The following SBNO1 variants were observed in gnomAD, a reference collection of about 807,000 sequenced individuals.
SBNO1 encodes protein strawberry notch homolog 1.
SBNO1 carries 23 observed loss-of-function variants against 173.6 expected under a neutral mutation model. The observed-to-expected ratio is 0.13, with a 90% CI of 0.10 to 0.19. SBNO1 has a LOEUF of 0.19. Ranked by LOEUF, SBNO1 falls within the 10% of genes least tolerant of loss-of-function variation. SBNO1 has a pLI of 1.00. For missense variants in SBNO1, 1,238 were observed against 1,671.2 expected (o/e 0.74, Z 4.52); for synonymous variants, 632 against 571.5 (o/e 1.11, Z -1.51).
At chr12:123,347,366 AC>A (rs1389044885) in intron 3 of SBNO1, among the ~76,000 whole-genome samples, 1 of 151,388 alleles carries the variant, frequency 6.6e-6, no homozygotes, top group Non-Finnish European at 1.5e-5. Flanking sequence ...AGCTGGGACT[AC>A]AGGCGCCCGC....
rs1010642952 is a variant in SBNO1 at position 123,294,399 on chromosome 12, T to C, written c.*1509A>G. On this transcript the variant is annotated 3_prime_UTR_variant, in exon 32 of 32. Coordinates refer to ENST00000602398, the MANE Select transcript of SBNO1 (RefSeq NM_001167856.3). Reference sequence around the variant, plus strand: ...TTTCCCTCAATGCCATCTTACATTTTAGGGATAAGTTTTAAGCCAAACTAT... The same window carrying C: ...TTTCCCTCAATGCCATCTTACATTTCAGGGATAAGTTTTAAGCCAAACTAT... 6.6e-6 allele frequency: 1 copy of C among 151,942 alleles called. No homozygotes were observed. Among genetic ancestry groups the C allele is most frequent in the Non-Finnish European group, 1.5e-5 (1 of 68,044 alleles). The allele number at this position is 151,942 out of a possible 1,614,324, so 9.4% of individuals were successfully genotyped here.
At position 123,315,579 on chromosome 12, in the gene SBNO1, G is replaced by C. The variant is rs1207537785; in HGVS notation, c.3017C>G (p.Ala1006Gly). Reference protein sequence around the residue: ...ISELAGEQRFASIVAKRLESL... With the variant: ...ISELAGEQRFGSIVAKRLESL... ...CTCAAGTCTTTTAGCAACAATAGAT[G>C]CAAATCTTTGTTCTCCTGCCAGTTC... Residue 1006 changes from alanine to glycine, a missense_variant, in exon 22 of 32, where the codon GCA becomes GGA. Transcript: ENST00000602398. The C allele has an allele frequency of 6.2e-7, 1 of 1,613,434 alleles. No homozygotes were observed. Among genetic ancestry groups the C allele is most frequent in the Admixed American group, 1.7e-5 (1 of 60,004 alleles).
intron 1 of SBNO1, 70 bp from the exon 2 acceptor site, chr12:123,350,511 T>G: frequency 8.1e-7 from 1 of 1,232,232 alleles, no homozygotes; most frequent in Non-Finnish European, 1.2e-6. Flanking sequence ...CCTCTAAATA[T>G]AAACAATCCA....
intron 7 of SBNO1, among the ~76,000 whole-genome samples, chr12:123,332,893 G>T (rs566359887): frequency 2.0e-5 from 3 of 152,146 alleles, no homozygotes; most frequent in Non-Finnish European, 4.4e-5. Flanking sequence ...GGGAGGCCGA[G>T]ATGGGTGGAT....
rs939339313 is a variant in SBNO1, at chr12:123,294,110, A to G, written c.*1798T>C. 1 of 152,254 alleles carries G rather than the reference A, an allele frequency of 6.6e-6. No homozygotes were observed. The highest frequency in any genetic ancestry group is 2.4e-5 in the African/African-American group (1 of 41,470). 9.4% of individuals were successfully genotyped at this position (152,254 alleles called of 1,614,324 possible). On this transcript the variant is annotated 3_prime_UTR_variant, in exon 32 of 32. Transcript: ENST00000602398. ...GAGATATATGAACTGGACTGAGGAT[A>G]GAAGTTGCATCCGCTGGGCAAAATG...
chr12:123,307,616 T>C (rs1020712348), intron 28 of SBNO1, among the ~76,000 whole-genome samples: 2 of 152,148 alleles, frequency 1.3e-5, no homozygotes, highest in Non-Finnish European at 2.9e-5. Flanking sequence ...AATGAAATAT[T>C]ACTCAGCCTT....
rs753008951 is a variant in SBNO1 at position 123,321,750 on chromosome 12, CAA to C, written c.2126-20_2126-19del. ...TTCTTCACCTACCCTCCGCCACAAA[CAA>C]GAGAGTCAGCCCAAATTCAATGTTT... On this transcript the variant is annotated intron_variant, in intron 16 of 31. Transcript: ENST00000602398. The C allele has an allele frequency of 3.7e-6, 6 of 1,606,780 alleles. No individual in the cohort carries two copies.
chr12:123,345,154 C>A (rs758317722), intron 4 of SBNO1, 104 bp downstream of exon 4: 13 of 956,916 alleles, frequency 1.4e-5, no homozygotes, highest in Non-Finnish European at 1.9e-5. Flanking sequence ...CATATAACAC[C>A]CTTTTATGGC....
At position 123,296,163 on chromosome 12, in the gene SBNO1, A is replaced by G. The variant is rs1021730436; in HGVS notation, c.4040-113T>C. ...ATTAAGCGTAATGGACAAGAAGTTC[A>G]CACAAAAATTAAACGACTACCTAAT... On this transcript the variant is annotated intron_variant, in intron 31 of 31. Transcript: ENST00000602398. The G allele has an allele frequency of 9.8e-5, 64 of 651,414 alleles. 1 individual carries two copies. Among genetic ancestry groups the G allele is most frequent in the Non-Finnish European group, 1.5e-4 (57 of 370,002 alleles). 40.4% of individuals were successfully genotyped at this position (651,414 alleles called of 1,614,324 possible). A position where few individuals can be genotyped will look rare whatever the true frequency, so the allele number is the denominator to read the frequency against.
At chr12:123,352,438 C>CTGGGACTACAGCCGCCCGCCACCAT (rs1873987045) in intron 1 of SBNO1, among the ~76,000 whole-genome samples, 3 of 151,892 alleles carry the variant, frequency 2.0e-5, no homozygotes, top group African/African-American at 2.4e-5. Context: ...TCCCAAGTAG[C>CTGGGACTACAGCCGCCCGCCACCAT]GCCCACCAAC....
At chr12:123,346,546 C>T (rs527549958) in intron 3 of SBNO1, among the ~76,000 whole-genome samples, 1 of 152,232 alleles carries the variant, frequency 6.6e-6, no homozygotes, top group South Asian at 2.1e-4. Flanking sequence ...TGCCTATAGT[C>T]CCAGCTACTC....
At chr12:123,334,350 A>G in intron 6 of SBNO1, 137 bp from the exon 7 acceptor site, 2 of 601,122 alleles carry the variant, frequency 3.3e-6, no homozygotes, top group South Asian at 4.8e-5. Flanking sequence ...CTTCCATAAA[A>G]AGTAACTGAT....
intron 16 of SBNO1, among the ~76,000 whole-genome samples, chr12:123,322,509 G>C (rs1465473827): frequency 6.6e-6 from 1 of 152,034 alleles, no homozygotes; most frequent in Non-Finnish European, 1.5e-5. Flanking sequence ...TGTTGGCCAG[G>C]CTGGTCTCGA....
At chr12:123,350,573 C>A in intron 1 of SBNO1, 132 bp from the exon 2 acceptor site, 1 of 731,204 alleles carries the variant, frequency 1.4e-6, no homozygotes, top group Non-Finnish European at 2.3e-6. Context: ...CCTGCCATGT[C>A]TCAGACAAAG....
At chr12:123,317,168 C>A (rs1464170595) in intron 21 of SBNO1, 53 bp downstream of exon 21, 2 of 1,597,410 alleles carry the variant, frequency 1.3e-6, no homozygotes, top group African/African-American at 2.7e-5. Context: ...CGCAAATTTA[C>A]CCCAATGATT....
intron 5 of SBNO1, among the ~76,000 whole-genome samples, chr12:123,338,456 G>A (rs1872120543): frequency 6.6e-6 from 1 of 152,250 alleles, no homozygotes; most frequent in African/African-American, 2.4e-5. Context: ...GCCGAGGCGG[G>A]TGAATCACGA....
rs971282850 is a variant in SBNO1, at chr12:123,293,153, A to C, written c.*2755T>G. The stretch of plus-strand genomic sequence containing the variant: ...GGCAAAGTGGACATGGGGTTAATTA[A>C]ACAAGGCCTCTGAATTCAGGTGTGG... On this transcript the variant is annotated 3_prime_UTR_variant, in exon 32 of 32. Coordinates refer to ENST00000602398, the MANE Select transcript of SBNO1 (RefSeq NM_001167856.3). 5.9e-5 allele frequency: 9 copies of C among 152,244 alleles called. No homozygotes were observed. The highest frequency in any genetic ancestry group is 8.8e-5 in the Non-Finnish European group (6 of 68,046). The allele number at this position is 152,244 out of a possible 1,614,324, so 9.4% of individuals were successfully genotyped here.
At chr12:123,324,252 T>C (rs1055243225) in intron 15 of SBNO1, among the ~76,000 whole-genome samples, 31 of 152,036 alleles carry the variant, frequency 2.0e-4, no homozygotes, top group African/African-American at 7.3e-4. Context: ...GCGGCTGCCA[T>C]TCTGGACACG....
chr12:123,345,682 C>CTTT, intron 3 of SBNO1, 112 bp from the exon 4 acceptor site: 1 of 720,530 alleles, frequency 1.4e-6, no homozygotes, highest in Non-Finnish European at 2.1e-6. Flanking sequence ...TTTATTATTG[C>CTTT]TTTTTTTTTT....
Sources: gnomAD v4.1 joint callset for allele counts (sites outside exome capture counted in the v4.1 genomes callset) on GRCh38, gnomAD v4.1.1 for gene constraint, MANE v1.5 for transcripts, NCBI Gene and HGNC (gene_info 2026-07-23, HGNC 2026-07-21) for gene names.